LRRC28: variants seen among roughly 807,000 people sequenced by gnomAD.
LRRC28 encodes leucine rich repeat containing 28.
In LRRC28, 39 loss-of-function variants were observed where a neutral mutation model predicts 45.7. That is an observed-to-expected ratio of 0.85 (90% CI 0.66 to 1.12). LRRC28 has a LOEUF of 1.12. LRRC28 is among the 50% of genes most tolerant of loss of function. LRRC28 has a pLI of 0.00. For synonymous variants in LRRC28, 206 were observed against 178.8 expected (o/e 1.15, Z -1.22); for missense variants, 435 against 438.5 (o/e 0.99, Z 0.07).
chr15:99,380,898 T>G (rs1421811022), intron 9 of LRRC28, among the ~76,000 whole-genome samples: 1 of 152,132 alleles, frequency 6.6e-6, no homozygotes, highest in African/African-American at 2.4e-5. Flanking sequence ...TCTGCTGAGA[T>G]CCGCTGTTCG....
chr15:99,302,037 T>G (rs1954992082), intron 5 of LRRC28, among the ~76,000 whole-genome samples: 1 of 151,450 alleles, frequency 6.6e-6, no homozygotes, highest in Non-Finnish European at 1.5e-5. Flanking sequence ...TAATTTTTTT[T>G]TTTTTTTGAG....
In LRRC28 at chr15:99,256,051, T is replaced by C. The variant is rs367808828; in HGVS notation, c.94T>C (p.Leu32=). 68 of 1,613,836 alleles carry C rather than the reference T, an allele frequency of 4.2e-5. No homozygotes were observed. Among genetic ancestry groups the C allele is most frequent in the African/African-American group, 1.5e-4 (11 of 74,916 alleles). ...TTATAGGAATCTGCACCATTTTCCATTGGAGTTACTGAAAGATGAGGGACT... is the reference window on the plus strand; with the variant it reads ...TTATAGGAATCTGCACCATTTTCCACTGGAGTTACTGAAAGATGAGGGACT... The part of the protein sequence containing the change: ...LNYRNLHHFP[L]ELLKDEGLQY... The change falls in exon 2 of 10, where the codon TTG becomes CTG. Residue 32 remains leucine (L), a synonymous_variant. Transcript: ENST00000301981.
rs143690007 is a variant in LRRC28 at position 99,291,305 on chromosome 15, A to G, written c.385+3354A>G. On this transcript the variant is annotated intron_variant, in intron 5 of 9. Coordinates refer to ENST00000301981, the MANE Select transcript of LRRC28 (RefSeq NM_144598.5). ...AGTAAAATTATATACCTTAATAGTT[A>G]TACATTTTGGATAGGAACTTTTGAT... 1.1e-4 allele frequency among the ~76,000 whole-genome samples: 16 copies of G among 152,320 alleles called. No homozygotes were observed. The East Asian group carries it at 3.1e-3, about 29-fold the overall frequency.
intron 4 of LRRC28, 134 bp from the exon 5 acceptor site, chr15:99,287,680 T>C: frequency 1.1e-6 from 1 of 900,070 alleles, no homozygotes; most frequent in South Asian, 2.1e-5. Context: ...GTTTGATCTG[T>C]GTTTTTACTA....
intron 5 of LRRC28, among the ~76,000 whole-genome samples, chr15:99,323,235 T>C (rs1201766076): frequency 6.6e-6 from 1 of 152,228 alleles, no homozygotes; most frequent in Admixed American, 6.5e-5. Context: ...CCAGGTCCTT[T>C]CTAGCTAGGC....
intron 5 of LRRC28, among the ~76,000 whole-genome samples, chr15:99,293,871 A>G (rs1209681493): frequency 1.3e-5 from 2 of 152,154 alleles, no homozygotes; most frequent in Non-Finnish European, 2.9e-5. Flanking sequence ...GTGCAGTTCT[A>G]CTGGCAGTGA....
intron 2 of LRRC28, among the ~76,000 whole-genome samples, chr15:99,265,274 A>G (rs1429370545): frequency 6.6e-6 from 1 of 152,188 alleles, no homozygotes; most frequent in African/African-American, 2.4e-5. Context: ...CAGTACAAGT[A>G]GAGAGAGACT....
In LRRC28 at chr15:99,258,036, A is replaced by T. The variant is rs1034982480; in HGVS notation, c.168+1911A>T. On this transcript the variant is annotated intron_variant, in intron 2 of 9. Coordinates refer to ENST00000301981, the MANE Select transcript of LRRC28 (RefSeq NM_144598.5). ...GAACTAACAGTCAAAATTAAGTGTGATAAGGTGAAGAACCTACTGCATGTC... is the reference window on the plus strand; with the variant it reads ...GAACTAACAGTCAAAATTAAGTGTGTTAAGGTGAAGAACCTACTGCATGTC... 20 of 1,206,260 alleles carry T rather than the reference A, an allele frequency of 1.7e-5. No individual in the cohort carries two copies. The African/African-American group carries it at 2.8e-4, about 17-fold the overall frequency. The allele number at this position is 1,206,260 out of a possible 1,614,324, so 74.7% of individuals were successfully genotyped here. A position where few individuals can be genotyped will look rare whatever the true frequency, so the allele number is the denominator to read the frequency against.
At chr15:99,348,803 T>A (rs1260282668) in intron 6 of LRRC28, among the ~76,000 whole-genome samples, 1 of 151,858 alleles carries the variant, frequency 6.6e-6, no homozygotes, top group East Asian at 1.9e-4. Flanking sequence ...TTTTTTCTAC[T>A]TTTATAAAGA....
intron 5 of LRRC28, among the ~76,000 whole-genome samples, chr15:99,302,450 G>T (rs892363227): frequency 1.3e-5 from 2 of 151,888 alleles, no homozygotes; most frequent in Non-Finnish European, 2.9e-5. Flanking sequence ...GTGCAATGGC[G>T]CAATCTTGGC....
chr15:99,377,720 T>C (rs2152339151), intron 9 of LRRC28, among the ~76,000 whole-genome samples: 2 of 152,292 alleles, frequency 1.3e-5, no homozygotes, highest in South Asian at 4.1e-4. Flanking sequence ...AATTTTTGTA[T>C]AAGGTGTAAG....
At chr15:99,300,393 CAT>C (rs757699043) in intron 5 of LRRC28, among the ~76,000 whole-genome samples, 32 of 151,804 alleles carry the variant, frequency 2.1e-4, no homozygotes, top group Non-Finnish European at 4.0e-4. Context: ...GTACAAGTCT[CAT>C]ATATAAAATT....
Position 99,271,638 on chromosome 15 carries a change from C to G in LRRC28, c.169-4938C>G, listed in dbSNP as rs369096452. On this transcript the variant is annotated intron_variant, in intron 2 of 9. Transcript: ENST00000301981. ...TAGAGATGGAGTCTCACTCTGTTGC[C>G]CAAGCTGGAGTACAGTGGCGTGATC... is the stretch of plus-strand genomic sequence containing the variant. 7.9e-5 allele frequency among the ~76,000 whole-genome samples: 12 copies of G among 152,032 alleles called. No individual in the cohort carries two copies. The South Asian group carries it at 2.3e-3, about 29-fold the overall frequency.
chr15:99,269,552 C>G (rs969633869), intron 2 of LRRC28, among the ~76,000 whole-genome samples: 1 of 152,014 alleles, frequency 6.6e-6, no homozygotes, highest in Non-Finnish European at 1.5e-5. Context: ...TACAGGCACC[C>G]GCCATCACGC....
chr15:99,289,577 C>G (rs1398405913), intron 5 of LRRC28, among the ~76,000 whole-genome samples: 2 of 152,130 alleles, frequency 1.3e-5, no homozygotes, highest in East Asian at 3.8e-4. Flanking sequence ...TTAAAACATA[C>G]TAATGGATTA....
intron 2 of LRRC28, among the ~76,000 whole-genome samples, chr15:99,260,526 G>A (rs2081166115): frequency 6.6e-6 from 1 of 152,154 alleles, no homozygotes; most frequent in African/African-American, 2.4e-5. Context: ...AAAGAACTTT[G>A]TAAACTATAA....
At chr15:99,284,601 CTT>C (rs1428853339) in intron 3 of LRRC28, 1 of 491,616 alleles carries the variant, frequency 2.0e-6, no homozygotes, top group African/African-American at 1.9e-5. Flanking sequence ...TCCTGCTAAG[CTT>C]TGTTTCCTGG....
At chr15:99,384,081 T>C (rs115991077) in intron 9 of LRRC28, among the ~76,000 whole-genome samples, 207 of 152,330 alleles carry the variant, frequency 1.4e-3, no homozygotes, top group African/African-American at 4.1e-3. Context: ...TCAGCGTGTA[T>C]GTGATTTCCT....
intron 9 of LRRC28, among the ~76,000 whole-genome samples, chr15:99,376,478 A>C (rs1297889646): frequency 6.6e-6 from 1 of 152,088 alleles, no homozygotes; most frequent in Non-Finnish European, 1.5e-5. Context: ...TCCTTTAAGT[A>C]CTGCTTTGGC....
Sources: allele counts gnomAD v4.1 joint callset (sites outside exome capture counted in the v4.1 genomes callset), GRCh38; gene constraint gnomAD v4.1.1; transcripts MANE v1.5; gene names NCBI Gene and HGNC (gene_info 2026-07-23, HGNC 2026-07-21).